Variants in PON3 observed in about 807,000 individuals in gnomAD.
PON3 encodes serum paraoxonase/lactonase 3.
A neutral mutation model predicts 36.3 loss-of-function variants in PON3; 37 were observed. That is an observed-to-expected ratio of 1.02 (90% confidence interval 0.78 to 1.34). PON3 has a LOEUF of 1.34. Ranked by LOEUF, PON3 falls within the 40% of genes most tolerant of loss-of-function variation. The pLI, the probability that PON3 is intolerant of heterozygous loss-of-function variation, is 0.00. For missense variants in PON3, 415 were observed against 426.5 expected (o/e 0.97, Z 0.24); for synonymous variants, 155 against 154.8 (o/e 1.00, Z -0.01).
At chr7:95,380,628 G>A (rs1424666641) in intron 3 of PON3, among the ~76,000 whole-genome samples, 2 of 152,160 alleles carry the variant, frequency 1.3e-5, no homozygotes, top group African/African-American at 4.8e-5. Flanking sequence ...TGAATAAAAT[G>A]AAACAACAAG....
chr7:95,394,777 G>A (rs1229862357), intron 1 of PON3, 63 bp from the exon 2 acceptor site: 2 of 1,320,752 alleles, frequency 1.5e-6, no homozygotes, highest in Middle Eastern at 1.8e-4. Flanking sequence ...ATGTTTAAAT[G>A]TGGACTTCAA....
intron 4 of PON3, among the ~76,000 whole-genome samples, chr7:95,369,498 G>A (rs1299631762): frequency 6.6e-6 from 1 of 152,170 alleles, no homozygotes; most frequent in Non-Finnish European, 1.5e-5. Flanking sequence ...CTGTAGGCTG[G>A]GAGTGGTGGC....
chr7:95,363,254 T>C (rs1373505564), intron 6 of PON3, among the ~76,000 whole-genome samples: 2 of 152,030 alleles, frequency 1.3e-5, no homozygotes, highest in African/African-American at 2.4e-5. Flanking sequence ...CACTGAGAGG[T>C]GTTTTCTACA....
rs557838010 is a variant in PON3, at chr7:95,382,370, G to T, written c.201+7784C>A. ...CTAAGATCAGAGCAGAACTGAAGGA[G>T]ATAGAGACACAAAAAACCCTTCAAA... is the stretch of plus-strand genomic sequence containing the variant. On this transcript the variant is annotated intron_variant, in intron 3 of 8. Coordinates refer to ENST00000265627, the MANE Select transcript of PON3 (RefSeq NM_000940.3). Among the ~76,000 whole-genome samples the T allele has an allele frequency of 3.9e-5, 6 of 152,006 alleles. No individual in the cohort carries two copies. In the East Asian group the frequency reaches 1.2e-3, roughly 29 times the overall value.
chr7:95,360,656 G>A (rs961311779), intron 8 of PON3, among the ~76,000 whole-genome samples: 2 of 152,124 alleles, frequency 1.3e-5, no homozygotes, highest in African/African-American at 2.4e-5. Context: ...GCCTAGTACT[G>A]TTATTGATCC....
At chr7:95,363,762 T>C in intron 6 of PON3, 101 bp downstream of exon 6, 2 of 1,135,808 alleles carry the variant, frequency 1.8e-6, no homozygotes, top group East Asian at 2.3e-5. Context: ...CACACATATA[T>C]TCACTACGTA....
intron 3 of PON3, among the ~76,000 whole-genome samples, chr7:95,385,638 A>G (rs1040255584): frequency 2.6e-5 from 4 of 152,218 alleles, no homozygotes; most frequent in Non-Finnish European, 2.9e-5. Context: ...ACCACATCGC[A>G]CTTATTCTAA....
chr7:95,382,567 A>G (rs1186972543), intron 3 of PON3, among the ~76,000 whole-genome samples: 1 of 152,248 alleles, frequency 6.6e-6, no homozygotes, highest in African/African-American at 2.4e-5. Context: ...ACAGGATACT[A>G]TAAACACATC....
intron 3 of PON3, among the ~76,000 whole-genome samples, chr7:95,380,237 C>A (rs569197054): frequency 1.3e-5 from 2 of 152,236 alleles, no homozygotes; most frequent in South Asian, 4.1e-4. Context: ...GTAGATAAAA[C>A]CACAAAGATG....
intron 4 of PON3, among the ~76,000 whole-genome samples, chr7:95,368,059 A>C (rs1562770583): frequency 1.3e-5 from 2 of 152,228 alleles, no homozygotes; most frequent in African/African-American, 4.8e-5. Context: ...GAGATAAAAC[A>C]AACTAACTAA....
rs561843848 is a variant in PON3, at chr7:95,373,409, T to C, written c.202-1071A>G. Among the ~76,000 whole-genome samples the C allele has an allele frequency of 5.3e-5, 8 of 152,316 alleles. No homozygotes were observed. The East Asian group carries it at 1.2e-3, about 22-fold the overall frequency. ...ACAGTCCTTCTATGCCCAATTCGTATGTCCCAATGTTGTCTGAGGGAAACC... is the reference window on the plus strand; with the variant it reads ...ACAGTCCTTCTATGCCCAATTCGTACGTCCCAATGTTGTCTGAGGGAAACC... On this transcript the variant is annotated intron_variant, in intron 3 of 8. Transcript: ENST00000265627.
chr7:95,366,646 T>C (rs1808701113), intron 5 of PON3, among the ~76,000 whole-genome samples: 1 of 152,232 alleles, frequency 6.6e-6, no homozygotes, highest in Non-Finnish European at 1.5e-5. Context: ...CTGAAAAGCC[T>C]GTTATTTTAA....
At chr7:95,386,920 C>T (rs868244401) in intron 3 of PON3, among the ~76,000 whole-genome samples, 20 of 152,058 alleles carry the variant, frequency 1.3e-4, no homozygotes, top group African/African-American at 3.6e-4. Context: ...AAAAGGCCTT[C>T]GACAAAATTC....
At chr7:95,381,373 G>T (rs1809050152) in intron 3 of PON3, among the ~76,000 whole-genome samples, 1 of 152,140 alleles carries the variant, frequency 6.6e-6, no homozygotes, top group Non-Finnish European at 1.5e-5. Flanking sequence ...AAATGTAAAT[G>T]GGCTAAATGC....
rs930141482 is a variant in PON3 at position 95,396,315 on chromosome 7, G to A, written c.36C>T (p.Val12=). 9 of 1,613,960 alleles carry A rather than the reference G, an allele frequency of 5.6e-6. No individual in the cohort carries two copies. The highest frequency in any genetic ancestry group is 7.6e-6 in the Non-Finnish European group (9 of 1,179,954). Residue 12 remains valine, a synonymous_variant, in exon 1 of 9, where the codon GTC becomes GTT. Coordinates refer to ENST00000265627, the MANE Select transcript of PON3 (RefSeq NM_000940.3). ...GKLVALVLLG[V]GLSLVGEMFL... is the part of the protein sequence containing the mutation. ...ACATCTCCCCGACTAAGGACAGGCC[G>A]ACCCCCAGCAGGACCAGCGCCACGA...
At chr7:95,383,702 GAGAACACAAACAAATGGA>G (rs1178642848) in intron 3 of PON3, among the ~76,000 whole-genome samples, 1 of 152,128 alleles carries the variant, frequency 6.6e-6, no homozygotes, top group African/African-American at 2.4e-5. Context: ...CAAAATAAAA[GAGAACACAAACAAATGGA>G]AGAACATTCC....
At chr7:95,394,768 T>A in intron 1 of PON3, 54 bp from the exon 2 acceptor site, 1 of 1,386,610 alleles carries the variant, frequency 7.2e-7, no homozygotes, top group Non-Finnish European at 1.0e-6. Flanking sequence ...TCAAAATGTA[T>A]GTTTAAATGT....
intron 6 of PON3, among the ~76,000 whole-genome samples, chr7:95,363,119 A>G (rs1808613589): frequency 6.6e-6 from 1 of 152,124 alleles, no homozygotes; most frequent in Non-Finnish European, 1.5e-5. Flanking sequence ...CTTTTTCCTT[A>G]AATTGAATGA....
intron 3 of PON3, among the ~76,000 whole-genome samples, chr7:95,384,637 A>G (rs539953513): frequency 6.6e-6 from 1 of 152,346 alleles, no homozygotes; most frequent in Non-Finnish European, 1.5e-5. Context: ...ATGCAAATCA[A>G]AACCACAGTG....
Sources: allele counts gnomAD v4.1 joint callset (sites outside exome capture counted in the v4.1 genomes callset), GRCh38; gene constraint gnomAD v4.1.1; transcripts MANE v1.5; gene names NCBI Gene and HGNC (gene_info 2026-07-23, HGNC 2026-07-21).